Variants in SEMA4F observed in about 807,000 individuals in gnomAD.
The protein encoded by SEMA4F is ssemaphorin 4F.
Under a neutral mutation model 78.4 loss-of-function variants are expected in SEMA4F, and 51 were observed. That is an observed-to-expected ratio of 0.65 (90% CI 0.52 to 0.82). The LOEUF (loss-of-function observed/expected upper bound fraction) is 0.82. Among genes scored for constraint, SEMA4F ranks in the 40% least tolerant of loss-of-function variants. The pLI, the probability that SEMA4F is intolerant of heterozygous loss-of-function variation, is 0.00. For missense variants in SEMA4F, 938 were observed against 1,014.4 expected, an observed-to-expected ratio of 0.92 and a Z score of 1.02; for synonymous variants, 418 against 408.7, an observed-to-expected ratio of 1.02 and a Z score of -0.27.
At chr2:74,669,919 CT>C (rs1252277290) in intron 5 of SEMA4F, among the ~76,000 whole-genome samples, 1 of 151,748 alleles carries the variant, frequency 6.6e-6, no homozygotes, top group Non-Finnish European at 1.5e-5. Context: ...GTAAAAGATG[CT>C]AACTACAAAA....
the SEMA4F span, among the ~76,000 whole-genome samples, chr2:74,689,606 A>G: frequency 1.3e-5 from 2 of 152,204 alleles, no homozygotes; most frequent in African/African-American, 4.8e-5. Context: ...GAAAAAAATC[A>G]ATTATTCAAC....
the SEMA4F span, among the ~76,000 whole-genome samples, chr2:74,690,589 AAC>A: frequency 2.6e-5 from 4 of 152,348 alleles, no homozygotes; most frequent in South Asian, 2.1e-4. Flanking sequence ...TATGAAAAAC[AAC>A]AGTTATTTTT....
chr2:74,665,470 C>G (rs1043111581), intron 5 of SEMA4F, among the ~76,000 whole-genome samples: 1 of 152,070 alleles, frequency 6.6e-6, no homozygotes, highest in African/African-American at 2.4e-5. Context: ...ACCTCGTGAT[C>G]TGCCCACCTC....
chr2:74,665,353 C>T (rs965636383), intron 5 of SEMA4F, among the ~76,000 whole-genome samples: 3 of 151,646 alleles, frequency 2.0e-5, no homozygotes, highest in African/African-American at 7.3e-5. Context: ...CCTCAGCCTC[C>T]CGAGTAGCTG....
chr2:74,679,799 G>T lies in SEMA4F; in HGVS notation c.1903G>T (p.Ala635Ser). The change falls in exon 14 of 14, where the codon GCA (alanine) becomes TCA (serine). Residue 635 changes from alanine (A) to serine (S), a missense_variant. Ala to Ser is a moderately conservative substitution (Grantham distance 99). Coordinates refer to ENST00000357877, the MANE Select transcript of SEMA4F (RefSeq NM_004263.5). Reference sequence around the variant, plus strand: ...TGCCTGTGAATGTCAGGAGGGTGGGGCAGCCCATGTGGTAGCAGCTTACAG... The same window carrying T: ...TGCCTGTGAATGTCAGGAGGGTGGGTCAGCCCATGTGGTAGCAGCTTACAG... Reference protein sequence around the residue: ...AYACECQEGGAAHVVAAYSLV... With the variant: ...AYACECQEGGSAHVVAAYSLV... 1 of 1,614,202 alleles carries T rather than the reference G, an allele frequency of 6.2e-7. No individual in the cohort carries two copies. The highest frequency in any genetic ancestry group is 1.1e-5 in the South Asian group (1 of 91,092).
chr2:74,662,955 C>G (rs1443308998), intron 5 of SEMA4F, 130 bp downstream of exon 5: 29 of 803,594 alleles, frequency 3.6e-5, no homozygotes, highest in Non-Finnish European at 5.6e-5. Context: ...TTAGCCTTTC[C>G]TGTTCTTCCC....
At chr2:74,679,537 T>C in intron 13 of SEMA4F, 62 bp from the exon 14 acceptor site, 2 of 1,551,196 alleles carry the variant, frequency 1.3e-6, no homozygotes, top group Non-Finnish European at 1.7e-6. Context: ...CCCCACACTT[T>C]TCTTCATCAC....
intron 5 of SEMA4F, among the ~76,000 whole-genome samples, chr2:74,672,483 A>G (rs1401686083): frequency 6.6e-6 from 1 of 152,164 alleles, no homozygotes; most frequent in Non-Finnish European, 1.5e-5. Flanking sequence ...GTTGTTGTAC[A>G]TAGTAGCTGG....
intron 4 of SEMA4F, among the ~76,000 whole-genome samples, chr2:74,660,938 C>A (rs1037013004): frequency 6.6e-6 from 1 of 152,092 alleles, no homozygotes; most frequent in Non-Finnish European, 1.5e-5. Flanking sequence ...TGAATGAGAT[C>A]TTTGAAGCAT....
chr2:74,692,003 C>T, the SEMA4F span, among the ~76,000 whole-genome samples: 5 of 152,238 alleles, frequency 3.3e-5, no homozygotes, highest in African/African-American at 7.2e-5. Flanking sequence ...GACCACCCTC[C>T]GATGGTGTGG....
rs543963083 is a variant in SEMA4F at position 74,680,074 on chromosome 2, G to C, written c.2178G>C (p.Leu726Phe). 6.2e-7 allele frequency: 1 copy of C among 1,614,068 alleles called. No individual in the cohort carries two copies. The highest frequency in any genetic ancestry group is 1.7e-5 in the Admixed American group (1 of 60,034). Residue 726 changes from leucine (L) to phenylalanine (F), a missense_variant, in exon 14 of 14, where the codon TTG becomes TTC. Coordinates refer to ENST00000357877, the MANE Select transcript of SEMA4F (RefSeq NM_004263.5). ...CCCCCTCTCCTGAAGATGAGCGGTT[G>C]CCGCTGGCCCTGGCCAAGAGGGGCA... ...PPSPSPEDERLPLALAKRGSG... is the reference protein window; with the variant it reads ...PPSPSPEDERFPLALAKRGSG...
chr2:74,669,431 A>T (rs890685134), intron 5 of SEMA4F, among the ~76,000 whole-genome samples: 1 of 151,970 alleles, frequency 6.6e-6, no homozygotes, highest in Non-Finnish European at 1.5e-5. Context: ...TAAAAATACA[A>T]AAATTAGCTG....
At chr2:74,666,545 C>G (rs1684709437) in intron 5 of SEMA4F, among the ~76,000 whole-genome samples, 2 of 152,062 alleles carry the variant, frequency 1.3e-5, no homozygotes, top group South Asian at 4.2e-4. Context: ...CTAGCTGTCT[C>G]AGATCCAAAT....
rs774129566 is a variant in SEMA4F at position 74,673,722 on chromosome 2, G to A, written c.716G>A (p.Gly239Glu). Reference sequence around the variant, plus strand: ...GTGGCCTTGAGCCCAGCCGAATGGGGGGATGAAGATGGAGACGACGAAATC... The same window carrying A: ...GTGGCCTTGAGCCCAGCCGAATGGGAGGATGAAGATGGAGACGACGAAATC... Reference protein sequence around the residue: ...AAVALSPAEWGDEDGDDEIYF... With the variant: ...AAVALSPAEWEDEDGDDEIYF... The change falls in exon 7 of 14, where the codon GGG becomes GAG. Residue 239 changes from glycine (G) to glutamate (E), a missense_variant. Physicochemically the swap from Gly to Glu is moderately conservative, Grantham distance 98. Transcript: ENST00000357877. 1.4e-5 allele frequency: 23 copies of A among 1,614,036 alleles called. No individual in the cohort carries two copies. The highest frequency in any genetic ancestry group is 5.0e-5 in the Admixed American group (3 of 60,002).
Position 74,656,634 on chromosome 2 carries a change from G to C in SEMA4F, c.246G>C (p.Arg82=). The stretch of plus-strand genomic sequence containing the variant: ...CCCACACACTTTATGTTGGCGCCCG[G>C]GACACCATCTTCGCTTTATCCCTGC... ...PASHTLYVGA[R]DTIFALSLPF... Residue 82 remains arginine (R), a synonymous_variant, in exon 2 of 14, where the codon CGG becomes CGC. Coordinates refer to ENST00000357877, the MANE Select transcript of SEMA4F (RefSeq NM_004263.5). The C allele has an allele frequency of 6.2e-7, 1 of 1,614,092 alleles. No homozygotes were observed.
intron 5 of SEMA4F, among the ~76,000 whole-genome samples, chr2:74,667,924 G>A (rs1445740268): frequency 6.6e-6 from 1 of 152,140 alleles, no homozygotes; most frequent in Non-Finnish European, 1.5e-5. Flanking sequence ...TTACGTGGAG[G>A]TACAGACCAC....
the SEMA4F span, among the ~76,000 whole-genome samples, chr2:74,705,256 G>A: frequency 6.6e-6 from 1 of 152,174 alleles, no homozygotes; most frequent in African/African-American, 2.4e-5. Flanking sequence ...TTTCAAAAGT[G>A]TTAACATTTT....
chr2:74,658,092 C>A lies in SEMA4F; in HGVS notation c.456+141C>A. 1.3e-6 allele frequency: 1 copy of A among 741,764 alleles called. No individual in the cohort carries two copies. Among genetic ancestry groups the A allele is most frequent in the Non-Finnish European group, 2.3e-6 (1 of 426,840 alleles). The allele number at this position is 741,764 out of a possible 1,614,324, so 45.9% of individuals were successfully genotyped here. A position where few individuals can be genotyped will look rare whatever the true frequency, so the allele number is the denominator to read the frequency against. Reference sequence around the variant, plus strand: ...CAAGGCAACCATTGTGCATGATAAGCATTGGGTGTAGGGGCTGTCCTCATG... The same window carrying A: ...CAAGGCAACCATTGTGCATGATAAGAATTGGGTGTAGGGGCTGTCCTCATG... On this transcript the variant is annotated intron_variant, in intron 4 of 13. Transcript: ENST00000357877. This position sits in a 1 kb window ranked among gnomAD's most constrained non-coding sequence, Gnocchi z 4.3.
Position 74,656,516 on chromosome 2 carries a change from CT to C in SEMA4F, c.146-17del. ...TTAGGAAGCGATGGCTAACATCACT[CT>C]CCTCTCTTCCTGCCAGAGGCTGACT... On this transcript the variant is annotated splice_polypyrimidine_tract_variant and intron_variant, in intron 1 of 13. Transcript: ENST00000357877. The C allele has an allele frequency of 6.2e-7, 1 of 1,608,556 alleles. No homozygotes were observed. The highest frequency in any genetic ancestry group is 1.1e-5 in the South Asian group (1 of 90,754).
Sources: gnomAD v4.1 joint callset for allele counts (sites outside exome capture counted in the v4.1 genomes callset) on GRCh38, gnomAD v4.1.1 for gene constraint, Gnocchi (gnomAD v3.1) non-coding constraint, MANE v1.5 for transcripts, NCBI Gene and HGNC (gene_info 2026-07-23, HGNC 2026-07-21) for gene names.